EDARADD: variants seen among roughly 807,000 people sequenced by gnomAD.
EDARADD encodes ectodysplasin-A receptor-associated adapter protein.
EDARADD carries 20 observed loss-of-function variants against 25.6 expected under a neutral mutation model. That is an observed-to-expected ratio of 0.78 (90% CI 0.55 to 1.14). The LOEUF is 1.14. Ranked by LOEUF, EDARADD falls within the 50% of genes most tolerant of loss-of-function variation. The pLI is 0.00. For missense variants in EDARADD, 225 were observed against 270.1 expected (o/e 0.83, Z 1.17); for synonymous variants, 86 against 94.4 (o/e 0.91, Z 0.52).
intron 4 of EDARADD, among the ~76,000 whole-genome samples, chr1:236,457,533 A>G (rs552946459): frequency 5.8e-4 from 86 of 149,558 alleles, no homozygotes; most frequent in African/African-American, 2.0e-3. Context: ...ACATAAAATA[A>G]AAAAAGGCCA....
At chr1:236,467,115 G>A (rs1183748738) in intron 4 of EDARADD, among the ~76,000 whole-genome samples, 4 of 151,752 alleles carry the variant, frequency 2.6e-5, no homozygotes, top group African/African-American at 7.3e-5. Flanking sequence ...CCAGGACGGA[G>A]TTAGCACATC....
At chr1:236,373,778 T>C (rs1372404457) in intron 3 of EDARADD, among the ~76,000 whole-genome samples, 1 of 152,190 alleles carries the variant, frequency 6.6e-6, no homozygotes, top group Non-Finnish European at 1.5e-5. Flanking sequence ...TTACTTATTT[T>C]CTAATATATA....
intron 4 of EDARADD, among the ~76,000 whole-genome samples, chr1:236,432,927 C>CAAAA (rs537189248): frequency 8.1e-5 from 9 of 110,928 alleles, no homozygotes; most frequent in African/African-American, 2.6e-4. Context: ...GCAAGACTCT[C>CAAAA]AAAAAAAAAA....
intron 3 of EDARADD, among the ~76,000 whole-genome samples, chr1:236,421,957 C>T (rs1657796072): frequency 6.6e-6 from 1 of 152,072 alleles, no homozygotes; most frequent in Non-Finnish European, 1.5e-5. Flanking sequence ...AGGCACTTGA[C>T]CAGGAGGGAG....
intron 4 of EDARADD, among the ~76,000 whole-genome samples, chr1:236,428,311 T>C (rs1657981946): frequency 6.6e-6 from 1 of 152,204 alleles, no homozygotes; most frequent in Admixed American, 6.5e-5. Context: ...ATTAACAGCA[T>C]CCCAAGGCAG....
Position 236,409,208 on chromosome 1 carries a change from T to TC in EDARADD, c.62-8_62-7insC, listed in dbSNP as rs1463370090. ...CGCTCTATTTGTTTGTTTTTGTTCT[T>TC]TTTACAGATCATATGGTAAAGGAAC... On this transcript the variant is annotated splice_region_variant and splice_polypyrimidine_tract_variant and intron_variant, in intron 1 of 5. Transcript: ENST00000334232. 1 of 1,608,362 alleles carries TC rather than the reference T, an allele frequency of 6.2e-7. No individual in the cohort carries two copies.
At chr1:236,369,330 G>A (rs953264914) in intron 3 of EDARADD, among the ~76,000 whole-genome samples, 13 of 152,178 alleles carry the variant, frequency 8.5e-5, no homozygotes, top group Admixed American at 4.6e-4. Flanking sequence ...CCTTGCCCAT[G>A]AGCATGAAAT....
chr1:236,431,097 AGAGT>A (rs1331166979), intron 4 of EDARADD, among the ~76,000 whole-genome samples: 1 of 151,424 alleles, frequency 6.6e-6, no homozygotes, highest in Non-Finnish European at 1.5e-5. Context: ...CCTAGGTGAC[AGAGT>A]GAGACCCTGT....
intron 4 of EDARADD, among the ~76,000 whole-genome samples, chr1:236,466,084 A>G (rs1449609971): frequency 6.6e-6 from 1 of 152,138 alleles, no homozygotes; most frequent in Non-Finnish European, 1.5e-5. Flanking sequence ...AATACCACAA[A>G]ATCTGTCAAG....
chr1:236,419,837 C>T (rs1182852834), intron 3 of EDARADD, among the ~76,000 whole-genome samples: 1 of 152,200 alleles, frequency 6.6e-6, no homozygotes, highest in Non-Finnish European at 1.5e-5. Flanking sequence ...AATGAATATA[C>T]ATGGTCCCTT....
At chr1:236,450,028 G>A (rs761866145) in intron 4 of EDARADD, among the ~76,000 whole-genome samples, 1 of 151,916 alleles carries the variant, frequency 6.6e-6, no homozygotes, top group Non-Finnish European at 1.5e-5. Context: ...TTGAACCCGG[G>A]AGGCGGAGGT....
rs562095286 is a variant in EDARADD at position 236,428,744 on chromosome 1, C to G, written c.219+1294C>G. Among the ~76,000 whole-genome samples, 400 of 145,798 alleles carry G rather than the reference C, an allele frequency of 2.7e-3. 1 individual carries two copies. Among genetic ancestry groups the G allele is most frequent in the Non-Finnish European group, 4.3e-3 (278 of 64,044 alleles). ...CTTCCCAGACGGGGTGGCGGCCGGG[C>G]AGAGGCTGCAATCTCGGCACTTTGG... On this transcript the variant is annotated intron_variant, in intron 4 of 5. Coordinates refer to ENST00000334232, the MANE Select transcript of EDARADD (RefSeq NM_145861.4).
At chr1:236,416,281 G>T (rs183706927) in intron 3 of EDARADD, among the ~76,000 whole-genome samples, 1 of 152,272 alleles carries the variant, frequency 6.6e-6, no homozygotes, top group Admixed American at 6.5e-5. Context: ...CCAGACAGGG[G>T]TGCAGGGAAA....
intron 4 of EDARADD, among the ~76,000 whole-genome samples, chr1:236,454,092 C>A (rs1472758700): frequency 2.0e-5 from 3 of 152,130 alleles, no homozygotes; most frequent in Non-Finnish European, 2.9e-5. Context: ...GTTGCCCAGG[C>A]TGGAGTGCAG....
At position 236,466,923 on chromosome 1, in the gene EDARADD, C is replaced by T. The variant is rs561606885; in HGVS notation, c.220-1308C>T. On this transcript the variant is annotated intron_variant, in intron 4 of 5. Transcript: ENST00000334232. ...CTCTGCTAAAAATACAAAAATTAGCCAGGCGTGGTGGCGGGTGGCTGTAGT... is the reference window on the plus strand; with the variant it reads ...CTCTGCTAAAAATACAAAAATTAGCTAGGCGTGGTGGCGGGTGGCTGTAGT... Among the ~76,000 whole-genome samples the T allele has an allele frequency of 2.6e-3, 392 of 152,108 alleles. 1 individual carries two copies. The highest frequency in any genetic ancestry group is 4.2e-3 in the Non-Finnish European group (288 of 67,980).
intron 5 of EDARADD, among the ~76,000 whole-genome samples, chr1:236,478,592 T>C (rs1659575239): frequency 6.6e-6 from 1 of 152,048 alleles, no homozygotes; most frequent in South Asian, 2.1e-4. Context: ...TTTTATTTTA[T>C]TTATTTATTT....
intron 3 of EDARADD, among the ~76,000 whole-genome samples, chr1:236,377,738 G>A (rs1024389892): frequency 2.1e-4 from 32 of 151,650 alleles, no homozygotes; most frequent in South Asian, 6.3e-4. Context: ...CATGTCTGTA[G>A]TCCCAGCTAC....
intron 4 of EDARADD, among the ~76,000 whole-genome samples, chr1:236,466,027 A>T (rs577954885): frequency 5.9e-5 from 9 of 152,366 alleles, no homozygotes; most frequent in African/African-American, 2.2e-4. Flanking sequence ...ATGCCAAGTA[A>T]CATAGTTTCT....
At position 236,398,453 on chromosome 1, in the gene EDARADD, C is replaced by T. The variant is rs576368824; in HGVS notation, c.61+3948C>T. Among the ~76,000 whole-genome samples the T allele has an allele frequency of 6.1e-4, 93 of 152,304 alleles. No homozygotes were observed. Among genetic ancestry groups the T allele is most frequent in the African/African-American group, 2.2e-3 (90 of 41,572 alleles). ...CATTTGTCTGTGCTGGCTTTGAATC[C>T]GGTGCTGGCTTTCCAACACTCCGAC... On this transcript the variant is annotated intron_variant, in intron 1 of 5. Transcript: ENST00000334232. This position sits in a 1 kb window ranked among gnomAD's most constrained non-coding sequence, Gnocchi z 4.1.
Sources: allele counts gnomAD v4.1 joint callset (sites outside exome capture counted in the v4.1 genomes callset), GRCh38; gene constraint gnomAD v4.1.1; non-coding constraint Gnocchi (gnomAD v3.1); transcripts MANE v1.5; gene names NCBI Gene and HGNC (gene_info 2026-07-23, HGNC 2026-07-21).